The following UBR1 variants were observed in gnomAD, a reference collection of about 807,000 sequenced individuals.
UBR1 encodes the protein ubiquitin protein ligase E3 component n-recognin 1.
UBR1 carries 102 observed loss-of-function variants against 242.1 expected under a neutral mutation model. That is an observed-to-expected ratio of 0.42 (90% CI 0.36 to 0.50). The LOEUF (loss-of-function observed/expected upper bound fraction) is 0.50, where lower values mean the gene tolerates loss of function less well. Among genes scored for constraint, UBR1 ranks in the 20% least tolerant of loss-of-function variants. The pLI, the probability that UBR1 is intolerant of heterozygous loss-of-function variation, is 0.01. For missense variants in UBR1, 1,772 were observed against 2,101.8 expected (o/e 0.84, Z 3.07); for synonymous variants, 675 against 684.8 (o/e 0.99, Z 0.22).
Position 43,002,452 on chromosome 15 carries a change from C to G in UBR1, c.3659+103G>C. The G allele has an allele frequency of 2.2e-6, 3 of 1,341,722 alleles. No homozygotes were observed. The East Asian group carries it at 7.5e-5, about 33-fold the overall frequency. The allele number at this position is 1,341,722 out of a possible 1,614,324, so 83.1% of individuals were successfully genotyped here. ...CCCAGGCTGGTCTCGAACCCCTGAG[C>G]TCTGGCAATCCGCCCATCTCAGTCT... is the stretch of plus-strand genomic sequence containing the variant. On this transcript the variant is annotated intron_variant, in intron 32 of 46. Coordinates refer to ENST00000290650, the MANE Select transcript of UBR1 (RefSeq NM_174916.3).
intron 6 of UBR1, among the ~76,000 whole-genome samples, chr15:43,062,564 T>C (rs2033701892): frequency 6.6e-6 from 1 of 152,130 alleles, no homozygotes; most frequent in African/African-American, 2.4e-5. Context: ...AGAAAAAGAT[T>C]AAAATGGTAA....
chr15:42,974,088 CCG>C lies in UBR1; in HGVS notation c.4369+2627_4369+2628del, dbSNP rs1596081388. 6.6e-5 allele frequency among the ~76,000 whole-genome samples: 10 copies of C among 152,000 alleles called. No individual in the cohort carries two copies. In the East Asian group the frequency reaches 1.7e-3, roughly 26 times the overall value. On this transcript the variant is annotated intron_variant, in intron 39 of 46. Coordinates refer to ENST00000290650, the MANE Select transcript of UBR1 (RefSeq NM_174916.3). ...TATTTTTAGTAGAGACCGTGTTTCA[CCG>C]TGTTAGCCAGGATGGTCTTGATCTC...
At chr15:43,067,675 G>C (rs1022911307) in intron 6 of UBR1, among the ~76,000 whole-genome samples, 1 of 152,068 alleles carries the variant, frequency 6.6e-6, no homozygotes. Flanking sequence ...AATAAATTCA[G>C]TAACTTTCTA....
intron 3 of UBR1, among the ~76,000 whole-genome samples, chr15:43,076,393 G>C (rs1004748271): frequency 2.0e-5 from 3 of 151,396 alleles, no homozygotes; most frequent in Non-Finnish European, 3.0e-5. Flanking sequence ...GCCTCTGCAC[G>C]GCCGCCACCC....
Position 43,003,935 on chromosome 15 carries a change from T to A in UBR1, c.3416-5A>T. 6.2e-7 allele frequency: 1 copy of A among 1,613,430 alleles called. No individual in the cohort carries two copies. Among genetic ancestry groups the A allele is most frequent in the South Asian group, 1.1e-5 (1 of 91,062 alleles). ...TGAAAAGTGGGTCTAGGGCTTCTGGTACAAGGTATAAAAAGGAGGGAAAAA... is the reference window on the plus strand; with the variant it reads ...TGAAAAGTGGGTCTAGGGCTTCTGGAACAAGGTATAAAAAGGAGGGAAAAA... On this transcript the variant is annotated splice_polypyrimidine_tract_variant and splice_region_variant and intron_variant, in intron 30 of 46. Transcript: ENST00000290650.
chr15:43,051,338 G>C (rs934883700), intron 12 of UBR1, among the ~76,000 whole-genome samples: 7 of 152,146 alleles, frequency 4.6e-5, no homozygotes, highest in African/African-American at 1.7e-4. Context: ...ACCAAATACT[G>C]CATGTTCTCA....
At position 43,100,937 on chromosome 15, in the gene UBR1, G is replaced by A. The variant is rs1342978239; in HGVS notation, c.81+5005C>T. Among the ~76,000 whole-genome samples the A allele has an allele frequency of 2.0e-5, 3 of 152,206 alleles. No homozygotes were observed. The East Asian group carries it at 5.8e-4, about 29-fold the overall frequency. On this transcript the variant is annotated intron_variant, in intron 1 of 46. Coordinates refer to ENST00000290650, the MANE Select transcript of UBR1 (RefSeq NM_174916.3). ...ACAGACATTTTGCTAAGTAAATAAAGACAATACAGTAATTACAGATTGTAA... is the reference window on the plus strand; with the variant it reads ...ACAGACATTTTGCTAAGTAAATAAAAACAATACAGTAATTACAGATTGTAA...
intron 23 of UBR1, 168 bp downstream of exon 23, chr15:43,026,393 G>T: frequency 1.7e-6 from 1 of 590,544 alleles, no homozygotes; most frequent in Non-Finnish European, 3.0e-6. Context: ...TCTGAATATT[G>T]CCTGTATACT....
chr15:43,020,237 C>T (rs1028214441), intron 27 of UBR1, among the ~76,000 whole-genome samples: 1 of 151,912 alleles, frequency 6.6e-6, no homozygotes, highest in African/African-American at 2.4e-5. Flanking sequence ...GATGAGGTTT[C>T]ACCATGTTAG....
chr15:43,061,469 A>G (rs537199322), intron 6 of UBR1, among the ~76,000 whole-genome samples: 10 of 152,334 alleles, frequency 6.6e-5, no homozygotes, highest in East Asian at 5.8e-4. Context: ...AAATCACGGC[A>G]CCAACTGAAA....
chr15:43,076,259 G>T (rs1167317802), intron 3 of UBR1, among the ~76,000 whole-genome samples: 1 of 151,756 alleles, frequency 6.6e-6, no homozygotes, highest in Admixed American at 6.6e-5. Flanking sequence ...CGGGATTGCA[G>T]ACGGAGTCTC....
chr15:43,056,890 G>A (rs908485904), intron 10 of UBR1, among the ~76,000 whole-genome samples: 1 of 152,166 alleles, frequency 6.6e-6, no homozygotes, highest in South Asian at 2.1e-4. Context: ...GCCTTAAACA[G>A]AATGGATGCT....
At position 42,997,471 on chromosome 15, in the gene UBR1, G is replaced by T. The variant is rs149642626; in HGVS notation, c.3757+697C>A. On this transcript the variant is annotated intron_variant, in intron 33 of 46. Transcript: ENST00000290650. ...ACTGTCTTCCATAAAACCGGTCCTT[G>T]GTGCCAAAAAGGTTGGGGACCATTG... 1.9e-4 allele frequency among the ~76,000 whole-genome samples: 29 copies of T among 152,122 alleles called. No individual in the cohort carries two copies. In the East Asian group the frequency reaches 3.5e-3, roughly 18 times the overall value.
chr15:43,062,493 T>G (rs1344210598), intron 6 of UBR1, among the ~76,000 whole-genome samples: 1 of 152,214 alleles, frequency 6.6e-6, no homozygotes, highest in East Asian at 1.9e-4. Flanking sequence ...TTTTGCAAGA[T>G]GGAAAAGTTC....
intron 27 of UBR1, among the ~76,000 whole-genome samples, chr15:43,018,982 A>T (rs1395874553): frequency 6.6e-6 from 1 of 152,228 alleles, no homozygotes; most frequent in Admixed American, 6.5e-5. Flanking sequence ...TTGATTTTAT[A>T]ATCTTAAAAT....
Position 42,965,987 on chromosome 15 carries a change from C to T in UBR1, c.4591+166G>A, listed in dbSNP as rs115138372. 8.6e-3 allele frequency among the ~76,000 whole-genome samples: 1,304 copies of T among 152,162 alleles called. 20 individuals are homozygous for T. Among genetic ancestry groups the T allele is most frequent in the African/African-American group, 0.03 (1,235 of 41,510 alleles). Reference sequence around the variant, plus strand: ...TTATAAAGCTAATATACTTTTTGGCCTCACCTTTAACCTACACCAGGGCTC... The same window carrying T: ...TTATAAAGCTAATATACTTTTTGGCTTCACCTTTAACCTACACCAGGGCTC... On this transcript the variant is annotated intron_variant, in intron 41 of 46. Transcript: ENST00000290650.
At chr15:43,072,147 C>A (rs2141347874) in intron 4 of UBR1, among the ~76,000 whole-genome samples, 1 of 151,920 alleles carries the variant, frequency 6.6e-6, no homozygotes, top group East Asian at 1.9e-4. Flanking sequence ...CCACTGCACC[C>A]AGCCACCATA....
intron 11 of UBR1, 44 bp from the exon 12 acceptor site, chr15:43,054,943 G>C: frequency 6.2e-7 from 1 of 1,600,978 alleles, no homozygotes. Flanking sequence ...TTAACTCATT[G>C]TGGTATGGAC....
In UBR1 at chr15:42,950,268, C is replaced by T. The variant is rs2031810267; in HGVS notation, c.5102G>A (p.Gly1701Asp). ...TATATAAAAAAAATCTTACTTCAGG[C>T]CAGGGTCTGTTTCTCCATATTCATC... ...YLDEYGETDP[G>D]LKRGNPLHLS... Residue 1701 changes from glycine to aspartate, a missense_variant, in exon 46 of 47, where the codon GGC becomes GAC. Physicochemically the swap from Gly to Asp is moderately conservative, Grantham distance 94. Around this residue, in one of 3 missense-constraint regions of UBR1, gnomAD observed 965 missense variants for 1,079.7 expected, o/e 0.89. Transcript: ENST00000290650. 6.2e-7 allele frequency: 1 copy of T among 1,613,972 alleles called. No homozygotes were observed. Among genetic ancestry groups the T allele is most frequent in the Non-Finnish European group, 8.5e-7 (1 of 1,179,966 alleles).
Sources: gnomAD v4.1 joint callset for allele counts (sites outside exome capture counted in the v4.1 genomes callset) on GRCh38, gnomAD v4.1.1 for gene constraint, gnomAD v4.1.1 regional missense constraint, MANE v1.5 for transcripts, NCBI Gene and HGNC (gene_info 2026-07-23, HGNC 2026-07-21) for gene names.